Variants in IL1RAPL2 observed in about 807,000 individuals in gnomAD.
IL1RAPL2 encodes interleukin 1 receptor accessory protein like 2.
Under a neutral mutation model 44.1 loss-of-function variants are expected in IL1RAPL2, and 3 were observed. The ratio of observed to expected loss-of-function variants is 0.07; its 90% CI spans 0.03 to 0.18. The LOEUF is 0.18. IL1RAPL2 is among the 10% of genes least tolerant of loss of function. The pLI, the probability that IL1RAPL2 is intolerant of heterozygous loss-of-function variation, is 1.00. For missense variants in IL1RAPL2, 391 were observed against 496.4 expected, an observed-to-expected ratio of 0.79 and a Z score of 2.02; for synonymous variants, 181 against 178.8, an observed-to-expected ratio of 1.01 and a Z score of -0.10.
In IL1RAPL2 at chrX:105,342,299, TAAAGTA is replaced by T. The variant is rs758794978; in HGVS notation, c.697+74759_697+74764del. Among the ~76,000 whole-genome samples, 520 of 110,879 alleles carry T rather than the reference TAAAGTA, an allele frequency of 4.7e-3. 3 individuals are homozygous for T. The highest frequency in any genetic ancestry group is 0.023 in the Middle Eastern group (5 of 216). ...CGTTGTGCACATGTACCCTAAAACTTAAAGTATAATAATAATAAAAGAAAAGAAAAA... is the reference window on the plus strand; with the variant it reads ...CGTTGTGCACATGTACCCTAAAACTTTAATAATAATAAAAGAAAAGAAAAA... On this transcript the variant is annotated intron_variant, in intron 5 of 10. Transcript: ENST00000372582.
At chrX:105,137,180 T>C (rs972690780) in intron 2 of IL1RAPL2, among the ~76,000 whole-genome samples, 4 of 112,207 alleles carry the variant, frequency 3.6e-5, no homozygotes, top group Non-Finnish European at 7.5e-5. Flanking sequence ...TATAAAGTTG[T>C]GTTGTCCAAT....
intron 7 of IL1RAPL2, among the ~76,000 whole-genome samples, chrX:105,730,556 A>G (rs890427014): frequency 1.1e-4 from 12 of 111,574 alleles, no homozygotes; most frequent in Non-Finnish European, 1.9e-4. Context: ...GCAGCTGCAG[A>G]ATATACATTC....
rs766662309 is a variant in IL1RAPL2 at position 105,254,602 on chromosome X, G to T, written c.544-12786G>T. Among the ~76,000 whole-genome samples, 3 of 111,926 alleles carry T rather than the reference G, an allele frequency of 2.7e-5. No individual in the cohort carries two copies. The Admixed American group carries it at 2.9e-4, about 11-fold the overall frequency. ...TTTTGCTTTTGTTGTGATTGCTTTT[G>T]GTGTCTTTGTCATGAAAGTTTTGCC... On this transcript the variant is annotated intron_variant, in intron 4 of 10. Transcript: ENST00000372582.
intron 2 of IL1RAPL2, among the ~76,000 whole-genome samples, chrX:104,717,460 A>G (rs918226009): frequency 9.2e-6 from 1 of 109,155 alleles, no homozygotes; most frequent in Non-Finnish European, 1.9e-5. Context: ...AAAAAAAAAA[A>G]AAAGAACATT....
intron 5 of IL1RAPL2, among the ~76,000 whole-genome samples, chrX:105,483,060 A>G (rs1311845544): frequency 9.4e-6 from 1 of 106,870 alleles, no homozygotes; most frequent in Non-Finnish European, 1.9e-5. Flanking sequence ...AAAAAAAAAA[A>G]TTCCCCAAAC....
At chrX:104,905,227 C>T (rs983782028) in intron 2 of IL1RAPL2, among the ~76,000 whole-genome samples, 25 of 111,410 alleles carry the variant, frequency 2.2e-4, no homozygotes, top group Admixed American at 4.8e-4. Context: ...GAGTAGGTTG[C>T]GAAAATTTTC....
Position 105,137,098 on chromosome X carries a change from C to T in IL1RAPL2, c.83-58377C>T, listed in dbSNP as rs148387640. Among the ~76,000 whole-genome samples, 8 of 111,637 alleles carry T rather than the reference C, an allele frequency of 7.2e-5. No homozygotes were observed. The East Asian group carries it at 2.3e-3, about 32-fold the overall frequency. ...AGAGAATCTTGATGAAAGGAGAGGG[C>T]AGAATACCAGATGTCCTAAGGCAGG... On this transcript the variant is annotated intron_variant, in intron 2 of 10. Coordinates refer to ENST00000372582, the MANE Select transcript of IL1RAPL2 (RefSeq NM_017416.2).
At chrX:104,940,526 C>T (rs776862842) in intron 2 of IL1RAPL2, among the ~76,000 whole-genome samples, 31 of 111,043 alleles carry the variant, frequency 2.8e-4, no homozygotes, top group Admixed American at 7.7e-4. Context: ...AGTTAGGTCT[C>T]AAGATTTTGT....
intron 2 of IL1RAPL2, among the ~76,000 whole-genome samples, chrX:104,886,156 G>T (rs1923236257): frequency 8.8e-6 from 1 of 113,045 alleles, no homozygotes. Context: ...CACCTCCTCA[G>T]TTGTAATTGG....
intron 2 of IL1RAPL2, among the ~76,000 whole-genome samples, chrX:105,022,960 G>A (rs1316944318): frequency 9.0e-6 from 1 of 110,865 alleles, no homozygotes; most frequent in Non-Finnish European, 1.9e-5. Context: ...AAGCAGAGAT[G>A]TATATACATG....
intron 5 of IL1RAPL2, among the ~76,000 whole-genome samples, chrX:105,355,362 A>G (rs1027124106): frequency 9.0e-6 from 1 of 110,711 alleles, no homozygotes; most frequent in Non-Finnish European, 1.9e-5. Context: ...GCCGATTTTA[A>G]TTGCCTCTCA....
intron 2 of IL1RAPL2, among the ~76,000 whole-genome samples, chrX:105,078,735 T>G (rs1477895904): frequency 9.0e-6 from 1 of 110,881 alleles, no homozygotes; most frequent in Non-Finnish European, 1.9e-5. Context: ...AGCAATGCGG[T>G]CGCCCCTCCC....
At chrX:105,320,612 G>A (rs928466497) in intron 5 of IL1RAPL2, among the ~76,000 whole-genome samples, 3 of 112,130 alleles carry the variant, frequency 2.7e-5, no homozygotes, top group Non-Finnish European at 5.6e-5. Flanking sequence ...GTGTGTGTGA[G>A]GATATGTGAG....
At chrX:104,936,450 A>T (rs1401119011) in intron 2 of IL1RAPL2, among the ~76,000 whole-genome samples, 1 of 111,038 alleles carries the variant, frequency 9.0e-6, no homozygotes, top group Non-Finnish European at 1.9e-5. Flanking sequence ...CTTGAGAAAC[A>T]GTGCTATAAA....
intron 6 of IL1RAPL2, among the ~76,000 whole-genome samples, chrX:105,559,553 AT>A (rs1250263365): frequency 2.2e-4 from 25 of 111,493 alleles, no homozygotes; most frequent in African/African-American, 7.2e-4. Flanking sequence ...TCACCCAGTT[AT>A]ATAGGGGAAT....
intron 2 of IL1RAPL2, among the ~76,000 whole-genome samples, chrX:104,984,731 G>T (rs1209676926): frequency 8.9e-6 from 1 of 112,211 alleles, no homozygotes; most frequent in Admixed American, 9.5e-5. Context: ...TTTCAAAAGA[G>T]TACCTGAATA....
chrX:105,552,061 G>T (rs192298820), intron 6 of IL1RAPL2, among the ~76,000 whole-genome samples: 6 of 105,953 alleles, frequency 5.7e-5, no homozygotes, highest in African/African-American at 2.1e-4. Flanking sequence ...AGCCGAGATC[G>T]CGCCACTGCA....
chrX:104,853,067 T>C (rs1922269718), intron 2 of IL1RAPL2, among the ~76,000 whole-genome samples: 1 of 112,008 alleles, frequency 8.9e-6, no homozygotes, highest in Admixed American at 9.5e-5. Context: ...ATTTAACAGA[T>C]ACATTCCTAA....
chrX:105,747,964 G>C (rs923498924), intron 8 of IL1RAPL2, among the ~76,000 whole-genome samples: 1 of 111,012 alleles, frequency 9.0e-6, no homozygotes, highest in Non-Finnish European at 1.9e-5. Context: ...ATTATAATGA[G>C]ACCGATAATG....
Sources: gnomAD v4.1 joint callset for allele counts (sites outside exome capture counted in the v4.1 genomes callset) on GRCh38, gnomAD v4.1.1 for gene constraint, MANE v1.5 for transcripts, NCBI Gene and HGNC (gene_info 2026-07-23, HGNC 2026-07-21) for gene names.